PEX5: variants seen among roughly 807,000 people sequenced by gnomAD.
The protein encoded by PEX5 is PTS1 receptor.
Under a neutral mutation model 82.9 loss-of-function variants are expected in PEX5, and 52 were observed. That is an observed-to-expected ratio of 0.63 (90% CI 0.50 to 0.79). The LOEUF (loss-of-function observed/expected upper bound fraction) is 0.79, where lower values mean the gene tolerates loss of function less well. Among genes scored for constraint, PEX5 ranks in the 30% least tolerant of loss-of-function variants. PEX5 has a pLI of 0.00. For synonymous variants in PEX5, 300 were observed against 318.8 expected (o/e 0.94, Z 0.63); for missense variants, 719 against 815.2 (o/e 0.88, Z 1.44).
At chr12:7,200,763 G>C (rs1943768991) in intron 6 of PEX5, among the ~76,000 whole-genome samples, 2 of 151,928 alleles carry the variant, frequency 1.3e-5, no homozygotes, top group South Asian at 4.1e-4. Flanking sequence ...GGCGGCGCGT[G>C]CCTGCAATTG....
intron 13 of PEX5, 91 bp from the exon 14 acceptor site, chr12:7,208,914 G>GGATA: frequency 8.7e-7 from 1 of 1,148,046 alleles, no homozygotes; most frequent in Admixed American, 1.7e-5. Context: ...TGAATGTTGG[G>GGATA]GATATGGTTG....
At chr12:7,216,773 C>T (rs1264360431) in intron 17 of PEX5, among the ~76,000 whole-genome samples, 2 of 152,096 alleles carry the variant, frequency 1.3e-5, no homozygotes, top group Non-Finnish European at 2.9e-5. Context: ...TAATCACTAG[C>T]CTATTGCCCA....
At chr12:7,207,871 G>C (rs780689935) in intron 11 of PEX5, 69 bp downstream of exon 11, 41 of 1,579,018 alleles carry the variant, frequency 2.6e-5, no homozygotes, top group Non-Finnish European at 3.5e-5. Context: ...GCCCCAAGGA[G>C]AGTAGTGCAG....
chr12:7,191,443 T>C (rs889270663), intron 4 of PEX5, 85 bp downstream of exon 4: 29 of 1,603,620 alleles, frequency 1.8e-5, no homozygotes, highest in African/African-American at 4.0e-5. Context: ...GCTGCTGGCA[T>C]TGGGGACCTG....
intron 5 of PEX5, among the ~76,000 whole-genome samples, chr12:7,193,984 T>C (rs1266358105): frequency 6.6e-6 from 1 of 152,192 alleles, no homozygotes; most frequent in Non-Finnish European, 1.5e-5. Context: ...ATTGCAGCAG[T>C]ATATTGCTTT....
intron 17 of PEX5, among the ~76,000 whole-genome samples, chr12:7,216,917 G>A (rs1436610553): frequency 2.6e-5 from 4 of 152,142 alleles, no homozygotes; most frequent in Non-Finnish European, 5.9e-5. Flanking sequence ...GAATAGGAAT[G>A]TTTAATCTTT....
chr12:7,201,934 GGAGAA>G (rs1200779261), intron 7 of PEX5, 93 bp downstream of exon 7: 3 of 929,164 alleles, frequency 3.2e-6, no homozygotes, highest in Non-Finnish European at 5.2e-6. Flanking sequence ...TTAAAGAGAA[GGAGAA>G]GAGATCTTAG....
At chr12:7,190,810 C>T in intron 2 of PEX5, 78 bp from the exon 3 acceptor site, 1 of 1,403,290 alleles carries the variant, frequency 7.1e-7, no homozygotes, top group Non-Finnish European at 1.0e-6. Flanking sequence ...GAAGCCGAGG[C>T]TCAGATGCCT....
intron 13 of PEX5, 149 bp downstream of exon 13, chr12:7,208,818 C>A: frequency 1.1e-6 from 1 of 887,618 alleles, no homozygotes; most frequent in Non-Finnish European, 1.9e-6. Context: ...AGGAGGTCTG[C>A]ATTCTACAGT....
chr12:7,218,406 A>G (rs963389951), exon 18 of PEX5: 2 of 152,200 alleles, frequency 1.3e-5, no homozygotes, highest in African/African-American at 2.4e-5. Flanking sequence ...CTTTAGAAAT[A>G]TACAGCCTCT....
At chr12:7,211,515 A>C (rs1001578210), downstream of PEX5, 9 of 152,372 alleles carry the variant, frequency 5.9e-5, no homozygotes, top group African/African-American at 1.9e-4. Context: ...GGATGGCAGA[A>C]GGTGAGTTGG....
chr12:7,215,310 C>T (rs10841345), downstream of PEX5, among the ~76,000 whole-genome samples: 111,679 of 151,998 alleles, frequency 0.73, 41,796 homozygotes, highest in South Asian at 0.83. Flanking sequence ...GAGTGTAAAT[C>T]AGTTCAGCCA....
At position 7,202,480 on chromosome 12, in the gene PEX5, T is replaced by C. The variant is rs1041290991; in HGVS notation, c.753+129T>C. The C allele has an allele frequency of 2.8e-6, 4 of 1,413,352 alleles. No homozygotes were observed. The South Asian group carries it at 3.6e-5, about 13-fold the overall frequency. 87.6% of individuals were successfully genotyped at this position (1,413,352 alleles called of 1,614,324 possible). A position where few individuals can be genotyped will look rare whatever the true frequency, so the allele number is the denominator to read the frequency against. On this transcript the variant is annotated intron_variant, in intron 8 of 15. Transcript: ENST00000675855. ...GTCTTGATAGCATCCAGGTCCCAAG[T>C]GGGTGGGAAAGAGATTCTGAGAATG...
At chr12:7,200,860 G>GGCATCA (rs1452119347) in intron 6 of PEX5, among the ~76,000 whole-genome samples, 1 of 152,102 alleles carries the variant, frequency 6.6e-6, no homozygotes, top group Non-Finnish European at 1.5e-5. Context: ...GCTTCGGCTC[G>GGCATCA]GCATCAGAGG....
At chr12:7,193,234 CTTTTTTT>C (rs11339507) in intron 5 of PEX5, among the ~76,000 whole-genome samples, 1 of 121,118 alleles carries the variant, frequency 8.3e-6, no homozygotes, top group African/African-American at 2.9e-5. Flanking sequence ...TCTTGAGATT[CTTTTTTT>C]TTTTTTTTTT....
At chr12:7,215,966 TA>T (rs60225276), downstream of PEX5, among the ~76,000 whole-genome samples, 2,760 of 151,864 alleles carry the variant, frequency 0.018, 77 homozygotes, top group African/African-American at 0.061. Flanking sequence ...TTAATTAAAT[TA>T]AAAAAAAATT....
chr12:7,203,394 TG>T, intron 9 of PEX5, 37 bp from the exon 10 acceptor site: 1 of 1,593,442 alleles, frequency 6.3e-7, no homozygotes, highest in Non-Finnish European at 8.6e-7. Context: ...GTGGTCATGA[TG>T]GATCTCCTTT....
rs371691416 is a variant in PEX5, at chr12:7,211,114, A to G, written c.*891A>G. 7 of 152,710 alleles carry G rather than the reference A, an allele frequency of 4.6e-5. No homozygotes were observed. The highest frequency in any genetic ancestry group is 1.4e-4 in the African/African-American group (6 of 41,438). 9.5% of individuals were successfully genotyped at this position (152,710 alleles called of 1,614,324 possible). Reference sequence around the variant, plus strand: ...ATAGAAAATTGGTTCAGAAAGTGCAATCTTGCCAGATTTCTAGCAAATAGG... The same window carrying G: ...ATAGAAAATTGGTTCAGAAAGTGCAGTCTTGCCAGATTTCTAGCAAATAGG... On this transcript the variant is annotated 3_prime_UTR_variant, in exon 16 of 16. Transcript: ENST00000675855.
At chr12:7,204,358 C>T (rs566654413) in intron 10 of PEX5, among the ~76,000 whole-genome samples, 9 of 152,288 alleles carry the variant, frequency 5.9e-5, no homozygotes, top group African/African-American at 1.9e-4. Context: ...GAGATGCAAA[C>T]CAGGGTGCTG....
Sources: allele counts gnomAD v4.1 joint callset (sites outside exome capture counted in the v4.1 genomes callset), GRCh38; gene constraint gnomAD v4.1.1; transcripts MANE v1.5; gene names NCBI Gene and HGNC (gene_info 2026-07-23, HGNC 2026-07-21).